Variants in KRI1 observed in about 807,000 individuals in gnomAD.
KRI1 encodes the protein KRI1 homolog.
A neutral mutation model predicts 97.0 loss-of-function variants in KRI1; 83 were observed. The observed-to-expected ratio is 0.86, with a 90% CI of 0.72 to 1.03. The LOEUF is 1.03. Among genes scored for constraint, KRI1 ranks in the 50% least tolerant of loss-of-function variants. The pLI, the probability that KRI1 is intolerant of heterozygous loss-of-function variation, is 0.00. For synonymous variants in KRI1, 371 were observed against 363.5 expected, an observed-to-expected ratio of 1.02 and a Z score of -0.23; for missense variants, 916 against 928.4, an observed-to-expected ratio of 0.99 and a Z score of 0.17.
At chr19:10,565,464 T>C (rs1669407581) in intron 2 of KRI1, 1 of 553,150 alleles carries the variant, frequency 1.8e-6, no homozygotes, top group African/African-American at 2.0e-5. Context: ...GGGGGGGTTC[T>C]TGGGGGACAG....
In KRI1 at chr19:10,561,856, A is replaced by G; in HGVS notation, c.384-11T>C. 6.2e-7 allele frequency: 1 copy of G among 1,613,564 alleles called. No individual in the cohort carries two copies. The highest frequency in any genetic ancestry group is 8.5e-7 in the Non-Finnish European group (1 of 1,179,560). On this transcript the variant is annotated splice_polypyrimidine_tract_variant and intron_variant, in intron 4 of 18. Coordinates refer to ENST00000312962, the MANE Select transcript of KRI1 (RefSeq NM_023008.5). ...TCATCAACATATTTGCTGTAAAGGA[A>G]AAGTGGGGTCTTCAGAATATATCTT... is the stretch of plus-strand genomic sequence containing the variant.
Position 10,559,795 on chromosome 19 carries a change from G to A in KRI1, c.927+15C>T. 6.2e-7 allele frequency: 1 copy of A among 1,613,642 alleles called. No individual in the cohort carries two copies. The highest frequency in any genetic ancestry group is 1.7e-5 in the Admixed American group (1 of 60,014). ...AACCCTGGGGGCTGAGTCCTCCCCA[G>A]CCCCAGCCACACACCGATGCTGAGT... On this transcript the variant is annotated intron_variant, in intron 10 of 18. Coordinates refer to ENST00000312962, the MANE Select transcript of KRI1 (RefSeq NM_023008.5).
intron 2 of KRI1, chr19:10,565,286 A>G (rs1916828598): frequency 3.6e-6 from 2 of 562,318 alleles, no homozygotes; most frequent in Admixed American, 3.3e-5. Context: ...GAAGACAAAG[A>G]CTTGACAAGG....
Position 10,559,533 on chromosome 19 carries a change from C to G in KRI1, c.1024-4G>C. ...CTTCCTGCTTCTTTGCTTTCTCCTGCAGGCCCAGGCAGAGAGGGGGAGGGC... is the reference window on the plus strand; with the variant it reads ...CTTCCTGCTTCTTTGCTTTCTCCTGGAGGCCCAGGCAGAGAGGGGGAGGGC... On this transcript the variant is annotated splice_polypyrimidine_tract_variant and splice_region_variant and intron_variant, in intron 11 of 18. Coordinates refer to ENST00000312962, the MANE Select transcript of KRI1 (RefSeq NM_023008.5). 2.5e-6 allele frequency: 4 copies of G among 1,613,940 alleles called. No individual in the cohort carries two copies. The highest frequency in any genetic ancestry group is 3.4e-6 in the Non-Finnish European group (4 of 1,179,986).
At chr19:10,558,843 T>G (rs1363608479) in intron 12 of KRI1, among the ~76,000 whole-genome samples, 1 of 151,936 alleles carries the variant, frequency 6.6e-6, no homozygotes, top group Non-Finnish European at 1.5e-5. Flanking sequence ...TAGCTAGGAT[T>G]AGAGGTGCAC....
chr19:10,565,631 G>A, intron 2 of KRI1, 86 bp downstream of exon 2: 2 of 1,466,618 alleles, frequency 1.4e-6, no homozygotes, highest in African/African-American at 2.9e-5. Context: ...CTGGGGTTGG[G>A]GGTTCCCCCC....
rs746788881 is a variant in KRI1 at position 10,554,076 on chromosome 19, T to C, written c.1987A>G (p.Met663Val). 1 of 1,614,124 alleles carries C rather than the reference T, an allele frequency of 6.2e-7. No homozygotes were observed. Among genetic ancestry groups the C allele is most frequent in the South Asian group, 1.1e-5 (1 of 91,080 alleles). The change falls in exon 19 of 19, where the codon ATG becomes GTG. Residue 663 changes from methionine (M) to valine (V), a missense_variant. This residue lies in a region of KRI1 where 672 missense variants were observed against 667.2 expected (regional missense o/e 1.01). Transcript: ENST00000312962. ...CGGCTGAACTCGCATCCACCAAGCATCACAGTGGGGCCCAGCAGCCGTGCC... is the reference window on the plus strand; with the variant it reads ...CGGCTGAACTCGCATCCACCAAGCACCACAGTGGGGCCCAGCAGCCGTGCC... Reference protein sequence around the residue: ...KKARLLGPTVMLGGCEFSRQR... With the variant: ...KKARLLGPTVVLGGCEFSRQR...
At chr19:10,561,902 T>C (rs1390989157) in intron 4 of KRI1, 57 bp from the exon 5 acceptor site, 9 of 1,525,490 alleles carry the variant, frequency 5.9e-6, no homozygotes, top group Non-Finnish European at 8.2e-6. Context: ...CCTGTCCCCA[T>C]GCCCATGCGG....
rs890705791 is a variant in KRI1 at position 10,556,968 on chromosome 19, C to A, written c.1617+584G>T. On this transcript the variant is annotated intron_variant, in intron 16 of 18. Coordinates refer to ENST00000312962, the MANE Select transcript of KRI1 (RefSeq NM_023008.5). ...CTGCACTCCAGCCTGGGTGACAGAG[C>A]GAGACTATGTCTCAAAAAAAAGAAG... Among the ~76,000 whole-genome samples, 16 of 151,934 alleles carry A rather than the reference C, an allele frequency of 1.1e-4. No homozygotes were observed. The South Asian group carries it at 3.3e-3, about 32-fold the overall frequency.
At chr19:10,565,426 G>A in intron 2 of KRI1, 1 of 530,960 alleles carries the variant, frequency 1.9e-6, no homozygotes. Context: ...CTAAAAAATG[G>A]CTAGACTCTT....
intron 4 of KRI1, among the ~76,000 whole-genome samples, chr19:10,562,053 G>A (rs1029647900): frequency 3.4e-5 from 5 of 148,900 alleles, no homozygotes; most frequent in Non-Finnish European, 7.4e-5. Context: ...ATGGGTGACA[G>A]CATTTCTTTT....
chr19:10,563,583 G>A (rs1916764876), intron 3 of KRI1, among the ~76,000 whole-genome samples: 1 of 151,734 alleles, frequency 6.6e-6, no homozygotes. Flanking sequence ...CTGACCTCAA[G>A]TGATCCTCCC....
intron 4 of KRI1, 69 bp downstream of exon 4, chr19:10,562,660 G>T: frequency 1.1e-6 from 1 of 912,540 alleles, no homozygotes; most frequent in Non-Finnish European, 1.8e-6. Context: ...TCCCTCTCCT[G>T]CCCCTAAGAC....
At position 10,560,983 on chromosome 19, in the gene KRI1, G is replaced by A. The variant is rs772376616; in HGVS notation, c.663+20C>T. The A allele has an allele frequency of 5.7e-6, 9 of 1,588,856 alleles. No homozygotes were observed. In the East Asian group the frequency reaches 1.3e-4, roughly 24 times the overall value. On this transcript the variant is annotated intron_variant, in intron 8 of 18. Coordinates refer to ENST00000312962, the MANE Select transcript of KRI1 (RefSeq NM_023008.5). ...GGAACACGCGGTCTACTCCATCAGC[G>A]ACCATGCGTGAGAACTCACCAGTTC...
In KRI1 at chr19:10,553,515, T is replaced by C. The variant is rs866156538; in HGVS notation, c.*436A>G. 8.7e-5 allele frequency: 16 copies of C among 183,020 alleles called. No homozygotes were observed. Among genetic ancestry groups the C allele is most frequent in the African/African-American group, 3.5e-4 (15 of 42,544 alleles). 11.3% of individuals were successfully genotyped at this position (183,020 alleles called of 1,614,324 possible). ...AAGTCACGGGAAGTTTAAGTCAGCC[T>C]CAGTTTCCACATCCATAAAATGGGA... On this transcript the variant is annotated 3_prime_UTR_variant, in exon 19 of 19. Transcript: ENST00000312962.
chr19:10,564,199 G>A (rs1418525464), intron 3 of KRI1, among the ~76,000 whole-genome samples: 8 of 150,732 alleles, frequency 5.3e-5, no homozygotes, highest in East Asian at 2.0e-4. Context: ...AGTGGCTCAC[G>A]CCTGTAATCC....
chr19:10,562,983 T>C lies in KRI1; in HGVS notation c.275-146A>G, dbSNP rs1599536381. 5.0e-6 allele frequency: 3 copies of C among 603,050 alleles called. No individual in the cohort carries two copies. The East Asian group carries it at 8.1e-5, about 16-fold the overall frequency. The allele number at this position is 603,050 out of a possible 1,614,324, so 37.4% of individuals were successfully genotyped here. On this transcript the variant is annotated intron_variant, in intron 3 of 18. Transcript: ENST00000312962. The stretch of plus-strand genomic sequence containing the variant: ...CAGCTGTCCAAGAGTATTGTGCTTG[T>C]CACCATCTGGTGGGGTTGGGGTCAT...
rs369724953 is a variant in KRI1, at chr19:10,555,078, A to C, written c.1781+9T>G. 1.1e-5 allele frequency: 17 copies of C among 1,612,034 alleles called. No individual in the cohort carries two copies. In the African/African-American group the frequency reaches 2.3e-4, roughly 22 times the overall value. ...CCCCACCCACGCTTCCCCAGCCAGC[A>C]CTGCTTACTCTTCTCGGCAGAGTGA... On this transcript the variant is annotated intron_variant, in intron 18 of 18. Coordinates refer to ENST00000312962, the MANE Select transcript of KRI1 (RefSeq NM_023008.5).
intron 12 of KRI1, among the ~76,000 whole-genome samples, chr19:10,559,032 G>A (rs1010519910): frequency 2.9e-5 from 4 of 139,894 alleles, no homozygotes; most frequent in African/African-American, 1.1e-4. Context: ...TAAAACAGAG[G>A]CTCCCTCTGT....
Sources: allele counts gnomAD v4.1 joint callset (sites outside exome capture counted in the v4.1 genomes callset), GRCh38; gene constraint gnomAD v4.1.1; regional missense constraint gnomAD v4.1.1; transcripts MANE v1.5; gene names NCBI Gene and HGNC (gene_info 2026-07-23, HGNC 2026-07-21).